Variants in RILPL2 observed in about 807,000 individuals in gnomAD.
RILPL2 encodes RILP-like protein 2.
In RILPL2, 19 loss-of-function variants were observed where a neutral mutation model predicts 22.2. The observed-to-expected ratio is 0.86, with a 90% CI of 0.60 to 1.25. RILPL2 has a LOEUF of 1.25. Among genes scored for constraint, RILPL2 ranks in the 50% most tolerant of loss-of-function variants. The pLI is 0.00. For missense variants in RILPL2, 243 were observed against 263.6 expected, an observed-to-expected ratio of 0.92 and a Z score of 0.54; for synonymous variants, 123 against 111.6, an observed-to-expected ratio of 1.10 and a Z score of -0.64.
At chr12:123,430,449 C>A in intron 2 of RILPL2, 59 bp downstream of exon 2, 1 of 1,486,326 alleles carries the variant, frequency 6.7e-7, no homozygotes. Flanking sequence ...AAATATGTAA[C>A]CTAGCAAGGA....
chr12:123,431,842 T>A (rs970137531), intron 1 of RILPL2, among the ~76,000 whole-genome samples: 4 of 149,930 alleles, frequency 2.7e-5, no homozygotes, highest in Non-Finnish European at 3.0e-5. Flanking sequence ...AAAAAAAAAA[T>A]TTAAGATGGT....
At chr12:123,420,869 G>A (rs1771648704) in intron 3 of RILPL2, among the ~76,000 whole-genome samples, 1 of 152,070 alleles carries the variant, frequency 6.6e-6, no homozygotes, top group South Asian at 2.1e-4. Context: ...GTAAATAGAT[G>A]CGGCTTCAGG....
Position 123,436,450 on chromosome 12 carries a change from C to T in RILPL2, c.-30G>A, listed in dbSNP as rs1197557335. The T allele has an allele frequency of 3.2e-6, 5 of 1,538,738 alleles. No individual in the cohort carries two copies. Among genetic ancestry groups the T allele is most frequent in the Non-Finnish European group, 4.4e-6 (5 of 1,145,142 alleles). On this transcript the variant is annotated 5_prime_UTR_variant, in exon 1 of 4. Coordinates refer to ENST00000280571, the MANE Select transcript of RILPL2 (RefSeq NM_145058.3). This position sits in a 1 kb window ranked among gnomAD's most constrained non-coding sequence, Gnocchi z 6.7. ...ACCCAGACCCCCGCCGACCTCGGAG[C>T]TGCTGTCTTGGAGTCTCCCAAAGGT...
In RILPL2 at chr12:123,436,615, C is replaced by T; in HGVS notation, c.-195G>A. The T allele has an allele frequency of 1.1e-6, 1 of 897,348 alleles. No individual in the cohort carries two copies. Among genetic ancestry groups the T allele is most frequent in the Non-Finnish European group, 1.6e-6 (1 of 610,552 alleles). 55.6% of individuals were successfully genotyped at this position (897,348 alleles called of 1,614,324 possible). On this transcript the variant is annotated 5_prime_UTR_variant, in exon 1 of 4. Transcript: ENST00000280571. This position sits in a 1 kb window ranked among gnomAD's most constrained non-coding sequence, Gnocchi z 6.7. ...TTGGGCCTGCGCCCCGGCGCACCGT[C>T]CCCGCTGCCAGCCACGCTGGAGAGT...
chr12:123,424,980 C>T (rs938833355), intron 2 of RILPL2, among the ~76,000 whole-genome samples: 20 of 151,890 alleles, frequency 1.3e-4, no homozygotes, highest in Non-Finnish European at 2.2e-4. Context: ...CCCGGGTTCA[C>T]GCCATTCTCC....
chr12:123,419,462 C>G (rs2139234567), intron 3 of RILPL2, among the ~76,000 whole-genome samples: 1 of 152,268 alleles, frequency 6.6e-6, no homozygotes, highest in South Asian at 2.1e-4. Flanking sequence ...ATAGCATGTT[C>G]CAATGCTGGG....
At chr12:123,420,345 T>C (rs1312411073) in intron 3 of RILPL2, among the ~76,000 whole-genome samples, 1 of 152,010 alleles carries the variant, frequency 6.6e-6, no homozygotes, top group African/African-American at 2.4e-5. Flanking sequence ...TTCACCATGT[T>C]GGCCAGGATG....
At chr12:123,409,807 A>C in the RILPL2 span, among the ~76,000 whole-genome samples, 1 of 144,898 alleles carries the variant, frequency 6.9e-6, no homozygotes, top group Non-Finnish European at 1.5e-5. Context: ...GCTCACTGCA[A>C]CCTCTACCTC....
chr12:123,423,347 G>T (rs185442196), intron 2 of RILPL2, among the ~76,000 whole-genome samples, 190 bp from the exon 3 acceptor site: 1 of 151,388 alleles, frequency 6.6e-6, no homozygotes, highest in Non-Finnish European at 1.5e-5. Context: ...GACTACAGGC[G>T]CCTGCCACCA....
At chr12:123,416,256 A>T (rs1419515062) in intron 3 of RILPL2, among the ~76,000 whole-genome samples, 1 of 151,998 alleles carries the variant, frequency 6.6e-6, no homozygotes, top group African/African-American at 2.4e-5. Context: ...CCCGGGACGC[A>T]GAGGTTGCAG....
chr12:123,427,698 C>T (rs553108519), intron 2 of RILPL2, among the ~76,000 whole-genome samples: 19 of 152,148 alleles, frequency 1.2e-4, no homozygotes, highest in Non-Finnish European at 2.4e-4. Flanking sequence ...TGAGTCACCA[C>T]GCCTGGCTAA....
rs536093126 is a variant in RILPL2 at position 123,430,084 on chromosome 12, A to G, written c.491+424T>C. Among the ~76,000 whole-genome samples the G allele has an allele frequency of 2.4e-5, 3 of 123,802 alleles. No homozygotes were observed. In the South Asian group the frequency reaches 9.3e-4, roughly 39 times the overall value. 81.2% of individuals were successfully genotyped at this position (123,802 alleles called of 152,430 possible). ...TGAGCCAAGATCGCACCACTGGGCG[A>G]CAGGGTGAGACCCTCAAAAAAAAAA... On this transcript the variant is annotated intron_variant, in intron 2 of 3. Coordinates refer to ENST00000280571, the MANE Select transcript of RILPL2 (RefSeq NM_145058.3).
At chr12:123,431,999 ATTC>A (rs1342383295) in intron 1 of RILPL2, among the ~76,000 whole-genome samples, 1 of 151,196 alleles carries the variant, frequency 6.6e-6, no homozygotes, top group African/African-American at 2.4e-5. Flanking sequence ...GGTTTAAGCA[ATTC>A]TTCTGCCTCA....
chr12:123,421,222 T>C (rs192238559), intron 3 of RILPL2, among the ~76,000 whole-genome samples: 1 of 151,982 alleles, frequency 6.6e-6, no homozygotes, highest in Non-Finnish European at 1.5e-5. Context: ...TTTGTATTTT[T>C]TAATAGAGTC....
chr12:123,415,606 T>G lies in RILPL2; in HGVS notation c.*285A>C. The G allele has an allele frequency of 2.0e-6, 1 of 512,458 alleles. No homozygotes were observed. Among genetic ancestry groups the G allele is most frequent in the Non-Finnish European group, 3.5e-6 (1 of 284,000 alleles). 31.7% of individuals were successfully genotyped at this position (512,458 alleles called of 1,614,324 possible). On this transcript the variant is annotated 3_prime_UTR_variant, in exon 4 of 4. Transcript: ENST00000280571. ...GTCTGCACGCTGGAGGCCCTGGGGG[T>G]TGACATGGGAGCAGGAAGTGGACCC...
At chr12:123,431,140 T>C (rs1014588823) in intron 1 of RILPL2, among the ~76,000 whole-genome samples, 1 of 152,136 alleles carries the variant, frequency 6.6e-6, no homozygotes, top group African/African-American at 2.4e-5. Context: ...CAAGGGGTAG[T>C]AGCAGTAACC....
intron 3 of RILPL2, among the ~76,000 whole-genome samples, chr12:123,417,935 A>G (rs1386764871): frequency 6.6e-6 from 1 of 151,648 alleles, no homozygotes; most frequent in Non-Finnish European, 1.5e-5. Flanking sequence ...TGTCCCGTCT[A>G]CCAGGAATGC....
intron 2 of RILPL2, among the ~76,000 whole-genome samples, chr12:123,428,380 C>T (rs1879503427): frequency 6.6e-6 from 1 of 152,194 alleles, no homozygotes. Flanking sequence ...TTGTGATCCA[C>T]CCACCTCGGC....
At chr12:123,418,765 T>C (rs1346255941) in intron 3 of RILPL2, among the ~76,000 whole-genome samples, 1 of 144,966 alleles carries the variant, frequency 6.9e-6, no homozygotes, top group African/African-American at 2.5e-5. Context: ...TCTTTTTTTT[T>C]TTTTTTTTTT....
Sources: gnomAD v4.1 joint callset for allele counts (sites outside exome capture counted in the v4.1 genomes callset) on GRCh38, gnomAD v4.1.1 for gene constraint, Gnocchi (gnomAD v3.1) non-coding constraint, MANE v1.5 for transcripts, NCBI Gene and HGNC (gene_info 2026-07-23, HGNC 2026-07-21) for gene names.